ARPC5: variants seen among roughly 807,000 people sequenced by gnomAD.
ARPC5 encodes actin-related protein 2/3 complex subunit 5.
In ARPC5, 5 loss-of-function variants were observed where a neutral mutation model predicts 15.4. That is an observed-to-expected ratio of 0.32 (90% confidence interval 0.17 to 0.68). ARPC5 has a LOEUF of 0.68. ARPC5 is among the 30% of genes least tolerant of loss of function. The pLI, the probability that ARPC5 is intolerant of heterozygous loss-of-function variation, is 0.71. For synonymous variants in ARPC5, 85 were observed against 72.2 expected (o/e 1.18, Z -0.90); for missense variants, 138 against 192.8 (o/e 0.72, Z 1.68).
chr1:183,628,172 CAAA>C (rs3068220), intron 3 of ARPC5, among the ~76,000 whole-genome samples: 35 of 46,050 alleles, frequency 7.6e-4, no homozygotes, highest in African/African-American at 9.2e-4. Context: ...GACTCCGTCT[CAAA>C]AAAAAAAAAA....
At position 183,630,418 on chromosome 1, in the gene ARPC5, T is replaced by C. The variant is rs371518007; in HGVS notation, c.393+43A>G. 1.5e-5 allele frequency: 22 copies of C among 1,452,778 alleles called. No homozygotes were observed. The African/African-American group carries it at 2.8e-4, about 19-fold the overall frequency. The allele number at this position is 1,452,778 out of a possible 1,614,324, so 90.0% of individuals were successfully genotyped here. On this transcript the variant is annotated intron_variant, in intron 3 of 3. Transcript: ENST00000359856. ...GAGAGGTTGTCATTGTCATTCCCTA[T>C]TGTAAAAGAACCAGTCATATAGATT...
chr1:183,635,770 A>T lies in ARPC5; in HGVS notation c.-111T>A, dbSNP rs2767305. On this transcript the variant is annotated 5_prime_UTR_variant, in exon 1 of 4. Transcript: ENST00000359856. ...TGATTCACTTCCCTCTTCCGCTCTG[A>T]GGCGTCGCCGACTGCCGCGGCTCGG... The T allele has an allele frequency of 2.4e-5, 34 of 1,440,732 alleles. No homozygotes were observed. The East Asian group carries it at 8.1e-4, about 34-fold the overall frequency. The allele number at this position is 1,440,732 out of a possible 1,614,324, so 89.2% of individuals were successfully genotyped here. A position where few individuals can be genotyped will look rare whatever the true frequency, so the allele number is the denominator to read the frequency against.
In ARPC5 at chr1:183,623,865, A is replaced by G. The variant is rs190769191; in HGVS notation, c.*3667T>C. 458 of 220,084 alleles carry G rather than the reference A, an allele frequency of 2.1e-3. No individual in the cohort carries two copies. The highest frequency in any genetic ancestry group is 5.7e-3 in the African/African-American group (248 of 43,202). 13.6% of individuals were successfully genotyped at this position (220,084 alleles called of 1,614,324 possible). The stretch of plus-strand genomic sequence containing the variant: ...TGGTGAAACCCCATCTCTCCTAAAA[A>G]TACAAAAATTAGCTGGGCACGGTGA... On this transcript the variant is annotated 3_prime_UTR_variant, in exon 4 of 4. Transcript: ENST00000359856.
rs183540215 is a variant in ARPC5, at chr1:183,630,266, A to C, written c.393+195T>G. On this transcript the variant is annotated intron_variant, in intron 3 of 3. Transcript: ENST00000359856. Reference sequence around the variant, plus strand: ...AATTACTAATAATCATTGTTGAATAAACACAAGTGTTGGAATCAGAATCTC... The same window carrying C: ...AATTACTAATAATCATTGTTGAATACACACAAGTGTTGGAATCAGAATCTC... 1.6e-5 allele frequency: 7 copies of C among 431,198 alleles called. No individual in the cohort carries two copies. In the East Asian group the frequency reaches 2.1e-4, roughly 13 times the overall value. 26.7% of individuals were successfully genotyped at this position (431,198 alleles called of 1,614,324 possible). A position where few individuals can be genotyped will look rare whatever the true frequency, so the allele number is the denominator to read the frequency against.
In ARPC5 at chr1:183,622,485, C is replaced by G. The variant is rs1396150172; in HGVS notation, c.*5047G>C. 1 of 152,136 alleles carries G rather than the reference C, an allele frequency of 6.6e-6. No individual in the cohort carries two copies. Among genetic ancestry groups the G allele is most frequent in the African/African-American group, 2.4e-5 (1 of 41,430 alleles). 9.4% of individuals were successfully genotyped at this position (152,136 alleles called of 1,614,324 possible). A position where few individuals can be genotyped will look rare whatever the true frequency, so the allele number is the denominator to read the frequency against. Reference sequence around the variant, plus strand: ...TTGGCCATTTAAGTTATTCATTACCCTAAGGGTTGACAGAATTAGAAAAAT... The same window carrying G: ...TTGGCCATTTAAGTTATTCATTACCGTAAGGGTTGACAGAATTAGAAAAAT... On this transcript the variant is annotated 3_prime_UTR_variant, in exon 4 of 4. Coordinates refer to ENST00000359856, the MANE Select transcript of ARPC5 (RefSeq NM_005717.4).
chr1:183,628,172 CA>C (rs3068220), intron 3 of ARPC5, among the ~76,000 whole-genome samples: 1,045 of 45,886 alleles, frequency 0.023, 1 homozygote, highest in Middle Eastern at 0.048. Context: ...GACTCCGTCT[CA>C]AAAAAAAAAA....
At position 183,635,579 on chromosome 1, in the gene ARPC5, T is replaced by C. The variant is rs553094680; in HGVS notation, c.81A>G (p.Glu27=). 8 of 1,613,670 alleles carry C rather than the reference T, an allele frequency of 5.0e-6. No homozygotes were observed. Among genetic ancestry groups the C allele is most frequent in the East Asian group, 2.2e-5 (1 of 44,864 alleles). ...DEYDENKFVD[E]EDGGDGQAGP... ...CGGCCTGGCCGTCGCCCCCATCTTCTTCGTCCACGAACTTGTTCTCGTCAT... is the reference window on the plus strand; with the variant it reads ...CGGCCTGGCCGTCGCCCCCATCTTCCTCGTCCACGAACTTGTTCTCGTCAT... The change falls in exon 1 of 4, where the codon GAA becomes GAG. Residue 27 remains glutamate (E), a synonymous_variant. Coordinates refer to ENST00000359856, the MANE Select transcript of ARPC5 (RefSeq NM_005717.4).
At chr1:183,630,707 C>A in intron 2 of ARPC5, 70 bp from the exon 3 acceptor site, 1 of 1,426,030 alleles carries the variant, frequency 7.0e-7, no homozygotes. Flanking sequence ...TTCAGAAAGT[C>A]TACACTATGA....
chr1:183,630,430 C>T, intron 3 of ARPC5, 31 bp downstream of exon 3: 1 of 1,495,326 alleles, frequency 6.7e-7, no homozygotes, highest in Non-Finnish European at 9.0e-7. Flanking sequence ...GTAAAAGAAC[C>T]AGTCATATAG....
intron 3 of ARPC5, among the ~76,000 whole-genome samples, chr1:183,629,569 T>C (rs1649208788): frequency 6.6e-6 from 1 of 152,242 alleles, no homozygotes; most frequent in African/African-American, 2.4e-5. Flanking sequence ...ATTTACATGT[T>C]ATCCAGTTTT....
intron 3 of ARPC5, among the ~76,000 whole-genome samples, chr1:183,628,313 C>T (rs370933853): frequency 9.2e-5 from 14 of 151,602 alleles, no homozygotes; most frequent in Non-Finnish European, 1.2e-4. Flanking sequence ...ACTTCCACTT[C>T]GATTAGTCAG....
Position 183,623,653 on chromosome 1 carries a change from A to G in ARPC5, c.*3879T>C, listed in dbSNP as rs1649001504. On this transcript the variant is annotated 3_prime_UTR_variant, in exon 4 of 4. Transcript: ENST00000359856. Reference sequence around the variant, plus strand: ...CCTTAATTGGGTGTGTTTTTCAATTATTTTGGTGCTTTTAACATATTTTGT... The same window carrying G: ...CCTTAATTGGGTGTGTTTTTCAATTGTTTTGGTGCTTTTAACATATTTTGT... 1.4e-6 allele frequency: 1 copy of G among 719,446 alleles called. No individual in the cohort carries two copies. The highest frequency in any genetic ancestry group is 2.8e-5 in the Admixed American group (1 of 35,274). 44.6% of individuals were successfully genotyped at this position (719,446 alleles called of 1,614,324 possible).
chr1:183,623,621 G>T lies in ARPC5; in HGVS notation c.*3911C>A. 9.7e-7 allele frequency: 1 copy of T among 1,034,618 alleles called. No individual in the cohort carries two copies. Among genetic ancestry groups the T allele is most frequent in the African/African-American group, 1.6e-5 (1 of 62,774 alleles). The allele number at this position is 1,034,618 out of a possible 1,614,324, so 64.1% of individuals were successfully genotyped here. ...GCACTTGGTTCTACAGAGGCCGTTG[G>T]TCTGTTCCTTAATTGGGTGTGTTTT... is the stretch of plus-strand genomic sequence containing the variant. On this transcript the variant is annotated 3_prime_UTR_variant, in exon 4 of 4. Coordinates refer to ENST00000359856, the MANE Select transcript of ARPC5 (RefSeq NM_005717.4).
intron 3 of ARPC5, 54 bp from the exon 4 acceptor site, chr1:183,627,648 A>G: frequency 7.0e-7 from 1 of 1,419,808 alleles, no homozygotes; most frequent in Non-Finnish European, 1.0e-6. Context: ...GTCAATTCTC[A>G]TATTTGGTAA....
At chr1:183,629,344 T>G (rs75344054) in intron 3 of ARPC5, among the ~76,000 whole-genome samples, 1 of 152,168 alleles carries the variant, frequency 6.6e-6, no homozygotes, top group Non-Finnish European at 1.5e-5. Flanking sequence ...ATTTATATAC[T>G]TCACAGGGTT....
At chr1:183,630,373 C>T (rs944759259) in intron 3 of ARPC5, 88 bp downstream of exon 3, 8 of 1,094,312 alleles carry the variant, frequency 7.3e-6, no homozygotes, top group Non-Finnish European at 1.0e-5. Context: ...TACAACAAAT[C>T]AAAATGGTTA....
Position 183,627,386 on chromosome 1 carries a change from AT to A in ARPC5, c.*145del, listed in dbSNP as rs1649135858. The A allele has an allele frequency of 1.4e-6, 1 of 709,378 alleles. No individual in the cohort carries two copies. Among genetic ancestry groups the A allele is most frequent in the Non-Finnish European group, 2.5e-6 (1 of 393,028 alleles). 43.9% of individuals were successfully genotyped at this position (709,378 alleles called of 1,614,324 possible). On this transcript the variant is annotated 3_prime_UTR_variant, in exon 4 of 4. Coordinates refer to ENST00000359856, the MANE Select transcript of ARPC5 (RefSeq NM_005717.4). ...TTCATTAAAGGACAACTGATATGTA[AT>A]TTTTTTCTTTACAGATATGAAAAAG...
At chr1:183,632,766 ATC>A (rs57952176) in intron 2 of ARPC5, 5,405 of 190,574 alleles carry the variant, frequency 0.028, 307 homozygotes, top group African/African-American at 0.12. Flanking sequence ...AGCAATTACA[ATC>A]TGTTTATTTT....
chr1:183,623,531 G>C lies in ARPC5; in HGVS notation c.*4001C>G. 1.3e-6 allele frequency: 2 copies of C among 1,549,740 alleles called. No homozygotes were observed. The highest frequency in any genetic ancestry group is 1.7e-6 in the Non-Finnish European group (2 of 1,146,486). On this transcript the variant is annotated 3_prime_UTR_variant, in exon 4 of 4. Transcript: ENST00000359856. ...TATTGTACTAGTGACATTGGGGTGA[G>C]GGGGAGAGGGAGTGGGGCAGAGGTC...
Sources: gnomAD v4.1 joint callset for allele counts (sites outside exome capture counted in the v4.1 genomes callset) on GRCh38, gnomAD v4.1.1 for gene constraint, MANE v1.5 for transcripts, NCBI Gene and HGNC (gene_info 2026-07-23, HGNC 2026-07-21) for gene names.